EPB41L3: variants seen among roughly 807,000 people sequenced by gnomAD.
EPB41L3 encodes the protein erythrocyte membrane protein band 4.1 like 3.
A neutral mutation model predicts 127.1 loss-of-function variants in EPB41L3; 57 were observed. The ratio of observed to expected loss-of-function variants is 0.45; its 90% CI spans 0.36 to 0.56. EPB41L3 has a LOEUF of 0.56. Among genes scored for constraint, EPB41L3 ranks in the 20% least tolerant of loss-of-function variants. The pLI is 0.00. For missense variants in EPB41L3, 1,273 were observed against 1,372.2 expected, an observed-to-expected ratio of 0.93 and a Z score of 1.14; for synonymous variants, 572 against 549.5, an observed-to-expected ratio of 1.04 and a Z score of -0.57.
chr18:5,451,842 G>T (rs1004636247), intron 3 of EPB41L3, among the ~76,000 whole-genome samples: 3 of 152,162 alleles, frequency 2.0e-5, no homozygotes, highest in Non-Finnish European at 4.4e-5. Context: ...CAAGGCAACT[G>T]CTTTTTGTTT....
At chr18:5,630,339 G>A (rs760937064), upstream of EPB41L3, 2 of 516,936 alleles carry the variant, frequency 3.9e-6, no homozygotes, top group South Asian at 2.8e-5. Context: ...CGGCGCTCCC[G>A]GCCTACGCCC....
intron 1 of EPB41L3, among the ~76,000 whole-genome samples, chr18:5,622,356 A>G (rs1028920242): frequency 1.1e-4 from 16 of 152,182 alleles, no homozygotes; most frequent in Non-Finnish European, 1.8e-4. Context: ...ACTCTGCTAG[A>G]TGTGTATTAC....
At position 5,407,205 on chromosome 18, in the gene EPB41L3, A is replaced by T. The variant is rs2075542938; in HGVS notation, c.2158-237T>A. ...ACATGGATACCAAAAGAATTTTAGA[A>T]GGCAAACTATAAAGAGTACAATTCA... On this transcript the variant is annotated intron_variant, in intron 15 of 22. Coordinates refer to ENST00000341928, the MANE Select transcript of EPB41L3 (RefSeq NM_012307.5). 3.5e-5 allele frequency: 19 copies of T among 539,742 alleles called. No individual in the cohort carries two copies. In the South Asian group the frequency reaches 4.6e-4, roughly 13 times the overall value. 33.4% of individuals were successfully genotyped at this position (539,742 alleles called of 1,614,324 possible). A position where few individuals can be genotyped will look rare whatever the true frequency, so the allele number is the denominator to read the frequency against.
At chr18:5,563,113 C>T (rs1332495033) in intron 3 of EPB41L3, among the ~76,000 whole-genome samples, 6 of 152,140 alleles carry the variant, frequency 3.9e-5, no homozygotes, top group African/African-American at 7.2e-5. Flanking sequence ...GGAAGGGATT[C>T]CAGACAGAAG....
chr18:5,443,536 C>T (rs1395687861), intron 5 of EPB41L3, among the ~76,000 whole-genome samples: 2 of 152,230 alleles, frequency 1.3e-5, no homozygotes, highest in East Asian at 3.8e-4. Context: ...ACTTTTGTGA[C>T]TGTTGGAACA....
intron 3 of EPB41L3, among the ~76,000 whole-genome samples, chr18:5,563,712 G>C (rs1046090739): frequency 6.6e-6 from 1 of 152,090 alleles, no homozygotes; most frequent in Non-Finnish European, 1.5e-5. Flanking sequence ...AACTGGGGGT[G>C]GTGCCATTTT....
At chr18:5,403,008 C>T (rs577389373) in intron 16 of EPB41L3, among the ~76,000 whole-genome samples, 35 of 152,258 alleles carry the variant, frequency 2.3e-4, no homozygotes, top group African/African-American at 5.8e-4. Context: ...AGGACAATAT[C>T]GGCGCAGAAT....
In EPB41L3 at chr18:5,489,031, A is replaced by G. The variant is rs2090257380; in HGVS notation, c.153T>C (p.Ala51=). 1 of 1,590,784 alleles carries G rather than the reference A, an allele frequency of 6.3e-7. No homozygotes were observed. The part of the protein sequence containing the change: ...QQQALEQFAA[A]AAHSTPVRRE... ...TCCGCACCGGGGTGCTGTGCGCTGC[A>G]GCGGCGGCGAACTGCTCCAGGGCCT... Residue 51 remains alanine, a synonymous_variant, in exon 2 of 23, where the codon GCT becomes GCC. Coordinates refer to ENST00000341928, the MANE Select transcript of EPB41L3 (RefSeq NM_012307.5).
At chr18:5,575,028 C>G (rs922309027) in intron 3 of EPB41L3, among the ~76,000 whole-genome samples, 2 of 152,156 alleles carry the variant, frequency 1.3e-5, no homozygotes, top group Non-Finnish European at 2.9e-5. Flanking sequence ...CTTCTGCAAG[C>G]TTTACCACTG....
chr18:5,531,731 C>CAAAAAA (rs57625472), intron 1 of EPB41L3, among the ~76,000 whole-genome samples: 80 of 67,740 alleles, frequency 1.2e-3, no homozygotes, highest in East Asian at 4.7e-3. Flanking sequence ...GACCCTGTCT[C>CAAAAAA]AAAAAAAAAA....
At chr18:5,609,125 C>T (rs763200734) in intron 3 of EPB41L3, among the ~76,000 whole-genome samples, 8 of 152,320 alleles carry the variant, frequency 5.3e-5, no homozygotes, top group East Asian at 1.9e-4. Context: ...CCAGCTAAGA[C>T]AGTGACATGG....
chr18:5,498,261 G>A (rs1350182118), intron 1 of EPB41L3, among the ~76,000 whole-genome samples: 1 of 152,184 alleles, frequency 6.6e-6, no homozygotes, highest in African/African-American at 2.4e-5. Context: ...CCTGATAGCT[G>A]TGCTTATAGC....
At chr18:5,400,611 A>G (rs1349804935) in intron 16 of EPB41L3, 1 of 464,580 alleles carries the variant, frequency 2.2e-6, no homozygotes, top group African/African-American at 2.0e-5. Context: ...GGGGAAACCA[A>G]TAAGAATTCA....
intron 1 of EPB41L3, among the ~76,000 whole-genome samples, chr18:5,499,473 CTTTGTT>C (rs1227444659): frequency 3.3e-5 from 5 of 152,012 alleles, no homozygotes; most frequent in Non-Finnish European, 2.9e-5. Flanking sequence ...TAAAATTATA[CTTTGTT>C]TTGGCTGGGT....
At chr18:5,395,476 T>C (rs1461656114) in intron 20 of EPB41L3, 133 bp downstream of exon 20, 21 of 788,462 alleles carry the variant, frequency 2.7e-5, no homozygotes, top group Non-Finnish European at 4.1e-5. Context: ...AAAGCTCCCC[T>C]TGCAGCTATC....
At chr18:5,485,694 A>T (rs1464408043) in intron 2 of EPB41L3, among the ~76,000 whole-genome samples, 2 of 152,124 alleles carry the variant, frequency 1.3e-5, no homozygotes, top group Non-Finnish European at 2.9e-5. Flanking sequence ...AAATTTGTCA[A>T]TGGTAAACTA....
intron 3 of EPB41L3, among the ~76,000 whole-genome samples, chr18:5,452,358 A>T (rs7226478): frequency 0.41 from 61,323 of 151,204 alleles, 12,492 homozygotes; most frequent in East Asian, 0.47. Context: ...TGGTTTACAC[A>T]GACACAAGTG....
rs191005310 is a variant in EPB41L3 at position 5,416,178 on chromosome 18, T to C, written c.1707A>G (p.Gln569=). Reference sequence around the variant, plus strand: ...GCTGTCTGTAGCTAAAAGCCACATCTTGATCCCCTAGGTAAGGCCTCCCTG... The same window carrying C: ...GCTGTCTGTAGCTAAAAGCCACATCCTGATCCCCTAGGTAAGGCCTCCCTG... ...DGPGRPYLGD[Q]DVAFSYRQQT... The change falls in exon 13 of 23, where the codon CAA becomes CAG. Residue 569 remains glutamine (Q), a synonymous_variant. Transcript: ENST00000341928. The C allele has an allele frequency of 1.1e-5, 17 of 1,614,068 alleles. No individual in the cohort carries two copies. In the East Asian group the frequency reaches 3.6e-4, roughly 34 times the overall value.
At position 5,464,305 on chromosome 18, in the gene EPB41L3, G is replaced by A. The variant is rs965480285; in HGVS notation, c.381+13936C>T. Among the ~76,000 whole-genome samples, 8 of 152,142 alleles carry A rather than the reference G, an allele frequency of 5.3e-5. 1 individual carries two copies. Among genetic ancestry groups the A allele is most frequent in the Admixed American group, 4.6e-4 (7 of 15,274 alleles). On this transcript the variant is annotated intron_variant, in intron 3 of 22. Coordinates refer to ENST00000341928, the MANE Select transcript of EPB41L3 (RefSeq NM_012307.5). ...TATCTACCTGCCACAAGGTGACTGGGGACCTGCTTACCCATTATGCACAAT... is the reference window on the plus strand; with the variant it reads ...TATCTACCTGCCACAAGGTGACTGGAGACCTGCTTACCCATTATGCACAAT...
Sources: allele counts gnomAD v4.1 joint callset (sites outside exome capture counted in the v4.1 genomes callset), GRCh38; gene constraint gnomAD v4.1.1; transcripts MANE v1.5; gene names NCBI Gene and HGNC (gene_info 2026-07-23, HGNC 2026-07-21).